The following PDSS2 variants were observed in gnomAD, a reference collection of about 807,000 sequenced individuals.
The protein encoded by PDSS2 is decaprenyl diphosphate synthase subunit 2, also known as all trans-polyprenyl-diphosphate synthase PDSS2.
PDSS2 carries 31 observed loss-of-function variants against 44.5 expected under a neutral mutation model. That is an observed-to-expected ratio of 0.70 (90% CI 0.52 to 0.94). PDSS2 has a LOEUF of 0.94. Among genes scored for constraint, PDSS2 ranks in the 40% least tolerant of loss-of-function variants. The pLI is 0.00. For missense variants in PDSS2, 452 were observed against 482.2 expected, an observed-to-expected ratio of 0.94 and a Z score of 0.59; for synonymous variants, 157 against 180.3, an observed-to-expected ratio of 0.87 and a Z score of 1.03.
intron 1 of PDSS2, among the ~76,000 whole-genome samples, chr6:107,453,638 G>A (rs1781945075): frequency 6.6e-6 from 1 of 152,114 alleles, no homozygotes; most frequent in Non-Finnish European, 1.5e-5. Context: ...TTAACAGTAG[G>A]TGGAATGATT....
intron 2 of PDSS2, among the ~76,000 whole-genome samples, chr6:107,277,581 G>A (rs1775826860): frequency 6.6e-6 from 1 of 151,622 alleles, no homozygotes. Context: ...GGGTGGGGGA[G>A]CTATTACAAA....
At chr6:107,156,196 C>CTTTTT (rs11447270) in intron 7 of PDSS2, among the ~76,000 whole-genome samples, 4 of 117,966 alleles carry the variant, frequency 3.4e-5, no homozygotes, top group Admixed American at 9.9e-5. Flanking sequence ...GGCCTGAATG[C>CTTTTT]TTTTTTTTTT....
chr6:107,421,584 GGTTAC>G (rs1780824162), intron 1 of PDSS2, among the ~76,000 whole-genome samples: 2 of 151,896 alleles, frequency 1.3e-5, no homozygotes, highest in South Asian at 4.2e-4. Context: ...AATCTCAAAA[GGTTAC>G]GTACTATATG....
At chr6:107,211,493 A>G (rs1773205275) in intron 5 of PDSS2, among the ~76,000 whole-genome samples, 1 of 152,164 alleles carries the variant, frequency 6.6e-6, no homozygotes, top group South Asian at 2.1e-4. Context: ...GCACTTTGGG[A>G]GGCCAAGGCG....
chr6:107,208,792 C>T (rs1437881217), intron 6 of PDSS2, among the ~76,000 whole-genome samples: 2 of 152,116 alleles, frequency 1.3e-5, no homozygotes, highest in East Asian at 3.9e-4. Flanking sequence ...AACTCCTGAC[C>T]TCAGGCGATC....
intron 1 of PDSS2, among the ~76,000 whole-genome samples, chr6:107,445,925 T>C (rs1781659081): frequency 1.3e-5 from 2 of 152,224 alleles, no homozygotes; most frequent in East Asian, 1.9e-4. Context: ...CTTCTTTCTC[T>C]TTCTCTCTCT....
In PDSS2 at chr6:107,427,560, A is replaced by G. The variant is rs187176999; in HGVS notation, c.296+31430T>C. Among the ~76,000 whole-genome samples, 888 of 152,366 alleles carry G rather than the reference A, an allele frequency of 5.8e-3. 7 individuals are homozygous for G. Among genetic ancestry groups the G allele is most frequent in the Non-Finnish European group, 9.0e-3 (612 of 68,038 alleles). On this transcript the variant is annotated intron_variant, in intron 1 of 7. Transcript: ENST00000369037. ...AGTGCCAGCAAAGAGTTTTATAATTAGAAATCCATTCTTTTAAGAATAGCT... is the reference window on the plus strand; with the variant it reads ...AGTGCCAGCAAAGAGTTTTATAATTGGAAATCCATTCTTTTAAGAATAGCT...
At chr6:107,177,034 T>C (rs552788598) in intron 7 of PDSS2, among the ~76,000 whole-genome samples, 3 of 150,460 alleles carry the variant, frequency 2.0e-5, no homozygotes, top group Middle Eastern at 3.5e-3. Context: ...ACATGCCTGC[T>C]CTCAAAATGT....
At chr6:107,454,398 T>C (rs1197563121) in intron 1 of PDSS2, among the ~76,000 whole-genome samples, 1 of 152,142 alleles carries the variant, frequency 6.6e-6, no homozygotes, top group Admixed American at 6.5e-5. Flanking sequence ...TAATTAATTA[T>C]TTATCTAATT....
At chr6:107,186,923 G>T (rs1772190576) in intron 7 of PDSS2, among the ~76,000 whole-genome samples, 1 of 152,140 alleles carries the variant, frequency 6.6e-6, no homozygotes, top group African/African-American at 2.4e-5. Flanking sequence ...ATAGTCTCCT[G>T]AAATGGCTGC....
chr6:107,309,606 C>T (rs1314862019), intron 2 of PDSS2, among the ~76,000 whole-genome samples: 1 of 152,132 alleles, frequency 6.6e-6, no homozygotes, highest in Non-Finnish European at 1.5e-5. Context: ...GCCCTGGTGC[C>T]CACAATGCAG....
chr6:107,186,929 G>A (rs1352667788), intron 7 of PDSS2, among the ~76,000 whole-genome samples: 1 of 152,162 alleles, frequency 6.6e-6, no homozygotes, highest in Non-Finnish European at 1.5e-5. Context: ...TCCTGAAATG[G>A]CTGCTGAGTT....
chr6:107,319,250 G>GA (rs1447962659), intron 2 of PDSS2, among the ~76,000 whole-genome samples: 7 of 152,170 alleles, frequency 4.6e-5, no homozygotes, highest in Admixed American at 4.6e-4. Context: ...AAACCAAATA[G>GA]AAAGTTTCCC....
chr6:107,292,729 A>C, intron 2 of PDSS2, among the ~76,000 whole-genome samples: 1 of 152,190 alleles, frequency 6.6e-6, no homozygotes, highest in African/African-American at 2.4e-5. Flanking sequence ...TGATACTGTC[A>C]ACACATAATT....
At chr6:107,224,044 C>T (rs762329962) in intron 4 of PDSS2, among the ~76,000 whole-genome samples, 2 of 151,252 alleles carry the variant, frequency 1.3e-5, no homozygotes, top group Non-Finnish European at 2.9e-5. Context: ...ATCTAGGTTG[C>T]CTGCTCCATA....
intron 1 of PDSS2, among the ~76,000 whole-genome samples, chr6:107,356,035 T>G (rs1778589373): frequency 1.3e-5 from 2 of 152,320 alleles, no homozygotes; most frequent in East Asian, 3.9e-4. Context: ...GGCACAAGGC[T>G]GAAGAAAAAG....
At chr6:107,225,167 T>TATATATATATATA (rs1773772012) in intron 4 of PDSS2, among the ~76,000 whole-genome samples, 2 of 43,516 alleles carry the variant, frequency 4.6e-5, no homozygotes, top group African/African-American at 2.5e-4. Flanking sequence ...ATATATTTTT[T>TATATATATATATA]TTTTTTTTTT....
chr6:107,274,592 G>A lies in PDSS2; in HGVS notation c.432-365C>T, dbSNP rs79347199. 6.8e-4 allele frequency among the ~76,000 whole-genome samples: 103 copies of A among 151,562 alleles called. No homozygotes were observed. The East Asian group carries it at 0.02, about 29-fold the overall frequency. On this transcript the variant is annotated intron_variant, in intron 2 of 7. Transcript: ENST00000369037. ...CTAAGACTCCTTAGTAGTGTCTAAT[G>A]GAATTCCAATTTAAGTGAGAATATA...
intron 7 of PDSS2, among the ~76,000 whole-genome samples, chr6:107,178,595 G>A (rs1027635242): frequency 6.6e-6 from 1 of 152,198 alleles, no homozygotes; most frequent in Non-Finnish European, 1.5e-5. Context: ...TCACATTTCT[G>A]AGACCAGAAT....
Sources: gnomAD v4.1 joint callset for allele counts (sites outside exome capture counted in the v4.1 genomes callset) on GRCh38, gnomAD v4.1.1 for gene constraint, MANE v1.5 for transcripts, NCBI Gene and HGNC (gene_info 2026-07-23, HGNC 2026-07-21) for gene names.